Variants in BLTP1 observed in about 807,000 individuals in gnomAD.
BLTP1 encodes the protein bridge-like lipid transfer protein family member 1.
chr4:122,198,145 C>T, the BLTP1 span: 1 of 983,574 alleles, frequency 1.0e-6, no homozygotes, highest in Non-Finnish European at 1.2e-6. Context: ...AAAGTGGTAG[C>T]ATTCAGGCCT....
chr4:122,317,596 A>C, the BLTP1 span, among the ~76,000 whole-genome samples: 5 of 150,416 alleles, frequency 3.3e-5, no homozygotes, highest in African/African-American at 9.8e-5. Context: ...GGTAATGGTC[A>C]TGCCTCATCT....
the BLTP1 span, among the ~76,000 whole-genome samples, chr4:122,329,582 C>A: frequency 6.6e-6 from 1 of 150,872 alleles, no homozygotes; most frequent in Non-Finnish European, 1.5e-5. Context: ...CGGACATTTG[C>A]CTTCCTGGAC....
At chr4:122,276,070 G>A in the BLTP1 span, 1 of 1,436,788 alleles carries the variant, frequency 7.0e-7, no homozygotes, top group Non-Finnish European at 9.3e-7. Flanking sequence ...CTGTAGTATT[G>A]AATAGTTTTT....
chr4:122,191,530 C>G, the BLTP1 span, among the ~76,000 whole-genome samples: 41 of 152,096 alleles, frequency 2.7e-4, no homozygotes, highest in Non-Finnish European at 5.4e-4. Context: ...TTTCCCAATG[C>G]ATGATGTTAC....
the BLTP1 span, chr4:122,224,706 C>T: frequency 2.6e-5 from 42 of 1,613,878 alleles, no homozygotes; most frequent in Middle Eastern, 9.9e-4. Context: ...TATCTCCTGA[C>T]TTATTTTCTT....
the BLTP1 span, chr4:122,346,910 A>G: frequency 7.3e-7 from 1 of 1,369,352 alleles, no homozygotes; most frequent in Non-Finnish European, 9.6e-7. Flanking sequence ...TATGCCAACC[A>G]CAAGGGATAT....
the BLTP1 span, chr4:122,243,155 G>T: frequency 7.7e-7 from 1 of 1,297,184 alleles, no homozygotes; most frequent in South Asian, 1.4e-5. Flanking sequence ...TTCTTTATTT[G>T]AGTATGAACT....
the BLTP1 span, among the ~76,000 whole-genome samples, chr4:122,237,809 C>A: frequency 6.6e-6 from 1 of 151,792 alleles, no homozygotes; most frequent in Non-Finnish European, 1.5e-5. Context: ...ATGGGGAAAC[C>A]CTTTCTCTAC....
the BLTP1 span, among the ~76,000 whole-genome samples, chr4:122,164,826 A>G: frequency 6.6e-6 from 1 of 152,152 alleles, no homozygotes; most frequent in Non-Finnish European, 1.5e-5. Flanking sequence ...AGAAATGTAA[A>G]GCTTCTTCTT....
chr4:122,284,746 T>C, the BLTP1 span, among the ~76,000 whole-genome samples: 7 of 152,228 alleles, frequency 4.6e-5, no homozygotes, highest in Middle Eastern at 3.2e-3. Context: ...ATAACTGTTC[T>C]ATTTTGTTAT....
At chr4:122,229,289 C>G in the BLTP1 span, 1 of 1,379,272 alleles carries the variant, frequency 7.3e-7, no homozygotes, top group Non-Finnish European at 9.9e-7. Flanking sequence ...TTTACTAAAC[C>G]AAACCTCTAT....
the BLTP1 span, chr4:122,231,593 G>A: frequency 4.5e-6 from 4 of 885,658 alleles, no homozygotes; most frequent in Admixed American, 6.2e-5. Context: ...TTAATTTTAT[G>A]CATTCAAGTA....
At chr4:122,180,012 A>G in the BLTP1 span, 3 of 972,900 alleles carry the variant, frequency 3.1e-6, no homozygotes, top group African/African-American at 5.7e-5. Context: ...CATCTCTCAT[A>G]TACACGTGCA....
the BLTP1 span, chr4:122,272,105 C>T: frequency 1.9e-6 from 3 of 1,565,174 alleles, no homozygotes; most frequent in Non-Finnish European, 2.6e-6. Flanking sequence ...TTGGAATGTC[C>T]TTCCATTTTT....
chr4:122,346,507 T>C, the BLTP1 span: 10 of 1,436,498 alleles, frequency 7.0e-6, no homozygotes, highest in African/African-American at 1.1e-4. Flanking sequence ...GTAACACTAA[T>C]CATAATATGT....
At chr4:122,359,987 C>T in the BLTP1 span, 1 of 985,276 alleles carries the variant, frequency 1.0e-6, no homozygotes, top group African/African-American at 1.7e-5. Flanking sequence ...AATAATTGTC[C>T]TTCCACTGTT....
the BLTP1 span, chr4:122,276,269 G>T: frequency 2.7e-6 from 1 of 376,448 alleles, no homozygotes; most frequent in Non-Finnish European, 4.2e-6. Flanking sequence ...GTTGTGTGTT[G>T]CTTGTGCCTT....
At chr4:122,353,667 A>G in the BLTP1 span, 1 of 928,930 alleles carries the variant, frequency 1.1e-6, no homozygotes, top group Non-Finnish European at 1.5e-6. The surrounding 1 kb of genome is among the most constrained non-coding windows in gnomAD (Gnocchi z 4.3). Context: ...ATTATTTGTG[A>G]ATTATTTGGT....
chr4:122,247,855 T>A, the BLTP1 span: 1 of 980,482 alleles, frequency 1.0e-6, no homozygotes. Context: ...TACATCATTT[T>A]AATATTTTTG....
Sources: allele counts gnomAD v4.1 joint callset (sites outside exome capture counted in the v4.1 genomes callset), GRCh38; gene constraint gnomAD v4.1.1; non-coding constraint Gnocchi (gnomAD v3.1); transcripts MANE v1.5; gene names NCBI Gene and HGNC (gene_info 2026-07-23, HGNC 2026-07-21).